The following JPH3 variants were observed in gnomAD, a reference collection of about 807,000 sequenced individuals.
JPH3 encodes junctophilin-3.
A neutral mutation model predicts 59.6 loss-of-function variants in JPH3; 11 were observed. The ratio of observed to expected loss-of-function variants is 0.18; its 90% confidence interval spans 0.12 to 0.31. JPH3 has a LOEUF of 0.31. JPH3 is among the 10% of genes least tolerant of loss of function. The probability of loss-of-function intolerance (pLI) is 1.00; values close to 1 mark genes in which losing one functional copy is unlikely to be tolerated. For synonymous variants in JPH3, 673 were observed against 483.6 expected, an observed-to-expected ratio of 1.39 and a Z score of -5.14; for missense variants, 1,202 against 1,105.7, an observed-to-expected ratio of 1.09 and a Z score of -1.24.
intron 3 of JPH3, 117 bp from the exon 4 acceptor site, chr16:87,689,529 G>A (rs2033504209): frequency 2.7e-6 from 3 of 1,115,670 alleles, no homozygotes; most frequent in African/African-American, 3.1e-5. Flanking sequence ...CTTTCGGTGA[G>A]TGGGAAGCGC....
chr16:87,671,908 G>A (rs2033025937), intron 2 of JPH3, among the ~76,000 whole-genome samples: 2 of 152,246 alleles, frequency 1.3e-5, no homozygotes, highest in Admixed American at 1.3e-4. Context: ...GATTGTTCAT[G>A]CAGCAGCTTC....
At chr16:87,691,759 A>G (rs1007815299) in intron 4 of JPH3, among the ~76,000 whole-genome samples, 2 of 152,058 alleles carry the variant, frequency 1.3e-5, no homozygotes, top group Non-Finnish European at 2.9e-5. Flanking sequence ...AAGCCCACAG[A>G]GAACAGCCCC....
At chr16:87,667,357 C>G (rs917904960) in intron 2 of JPH3, among the ~76,000 whole-genome samples, 1 of 152,208 alleles carries the variant, frequency 6.6e-6, no homozygotes, top group Admixed American at 6.5e-5. Context: ...TTGTTAGGGG[C>G]CACCATTCAG....
At chr16:87,668,747 G>C (rs1231517348) in intron 2 of JPH3, among the ~76,000 whole-genome samples, 1 of 152,030 alleles carries the variant, frequency 6.6e-6, no homozygotes, top group Non-Finnish European at 1.5e-5. Flanking sequence ...TCCCAGCCCT[G>C]GTGCTCACAC....
intron 2 of JPH3, among the ~76,000 whole-genome samples, chr16:87,646,736 G>A (rs753374814): frequency 2.0e-5 from 3 of 152,138 alleles, no homozygotes; most frequent in Non-Finnish European, 2.9e-5. Flanking sequence ...GCGGCGTCAC[G>A]GAATTGAGGA....
chr16:87,684,962 G>A (rs567102373), intron 3 of JPH3, among the ~76,000 whole-genome samples: 3 of 152,220 alleles, frequency 2.0e-5, no homozygotes, highest in African/African-American at 4.8e-5. Flanking sequence ...TCTGCACCAG[G>A]AGGCCCCAGA....
chr16:87,680,150 C>T (rs1302909010), intron 2 of JPH3, among the ~76,000 whole-genome samples: 2 of 152,248 alleles, frequency 1.3e-5, no homozygotes, highest in African/African-American at 4.8e-5. Context: ...CCTGGGTGCG[C>T]TGTTTCCCTG....
intron 4 of JPH3, among the ~76,000 whole-genome samples, chr16:87,693,368 A>G (rs1004469468): frequency 2.6e-5 from 4 of 152,356 alleles, no homozygotes; most frequent in Admixed American, 6.5e-5. Context: ...CTGTTGAGCA[A>G]ACTTTTTCTT....
At chr16:87,639,602 TCCCTCCTGTCC>T (rs1470114581) in intron 1 of JPH3, among the ~76,000 whole-genome samples, 1 of 149,734 alleles carries the variant, frequency 6.7e-6, no homozygotes, top group African/African-American at 2.5e-5. Context: ...CTGCCTGTCC[TCCCTCCTGTCC>T]TCCCTCCTGG....
At chr16:87,606,459 G>A (rs1162499572) in intron 1 of JPH3, among the ~76,000 whole-genome samples, 1 of 152,212 alleles carries the variant, frequency 6.6e-6, no homozygotes, top group Non-Finnish European at 1.5e-5. Context: ...GAGCTGAGTA[G>A]CTCCTACCGT....
chr16:87,674,125 G>A (rs1228557770), intron 2 of JPH3, among the ~76,000 whole-genome samples: 1 of 151,798 alleles, frequency 6.6e-6, no homozygotes, highest in Non-Finnish European at 1.5e-5. Flanking sequence ...ACGAGGTCAG[G>A]AGATCGAGAC....
intron 3 of JPH3, among the ~76,000 whole-genome samples, chr16:87,685,583 G>A (rs979025352): frequency 5.3e-5 from 8 of 152,368 alleles, no homozygotes; most frequent in Admixed American, 1.3e-4. Context: ...GCAGTGCTGC[G>A]GGATGGACGA....
chr16:87,645,846 A>G (rs758903192), intron 2 of JPH3, among the ~76,000 whole-genome samples: 1 of 152,162 alleles, frequency 6.6e-6, no homozygotes, highest in Non-Finnish European at 1.5e-5. Flanking sequence ...GGTTGGAGGA[A>G]GTTCCCCTGT....
intron 1 of JPH3, among the ~76,000 whole-genome samples, chr16:87,607,862 C>T (rs1001406017): frequency 6.6e-6 from 1 of 152,214 alleles, no homozygotes; most frequent in African/African-American, 2.4e-5. Context: ...CAGTTGGAGA[C>T]GAAAGCGTTT....
chr16:87,696,538 C>A, intron 4 of JPH3, 42 bp from the exon 5 acceptor site: 2 of 1,553,732 alleles, frequency 1.3e-6, no homozygotes, highest in African/African-American at 1.4e-5. Context: ...AGGCAGAGCC[C>A]CCCGCAGCTG....
chr16:87,694,844 C>T, intron 4 of JPH3: 1 of 188,582 alleles, frequency 5.3e-6, no homozygotes. Flanking sequence ...CCGGACTCTG[C>T]TTTCTGCCTG....
chr16:87,604,287 C>CGTGCTGCTG, intron 1 of JPH3: 4 of 1,432,468 alleles, frequency 2.8e-6, no homozygotes, highest in Non-Finnish European at 2.8e-6. Flanking sequence ...CAGGGAGCTG[C>CGTGCTGCTG]CTGCTGCTGC....
chr16:87,612,809 G>A (rs1251232155), intron 1 of JPH3, among the ~76,000 whole-genome samples: 1 of 152,044 alleles, frequency 6.6e-6, no homozygotes, highest in Non-Finnish European at 1.5e-5. Context: ...AGGAGGTCAG[G>A]AGATTGAGAC....
At chr16:87,639,100 T>G (rs1228489889) in intron 1 of JPH3, among the ~76,000 whole-genome samples, 1 of 152,154 alleles carries the variant, frequency 6.6e-6, no homozygotes, top group Non-Finnish European at 1.5e-5. Flanking sequence ...TTGCCTCACC[T>G]GGGAAGAGAG....
Sources: allele counts gnomAD v4.1 joint callset (sites outside exome capture counted in the v4.1 genomes callset), GRCh38; gene constraint gnomAD v4.1.1; transcripts MANE v1.5; gene names NCBI Gene and HGNC (gene_info 2026-07-23, HGNC 2026-07-21).